The following PCDHA9 variants were observed in gnomAD, a reference collection of about 807,000 sequenced individuals.
The protein encoded by PCDHA9 is protocadherin alpha 9, also known as protocadherin alpha-9.
PCDHA9 carries 62 observed loss-of-function variants against 62.0 expected under a neutral mutation model. The ratio of observed to expected loss-of-function variants is 1.00; its 90% CI spans 0.81 to 1.23. The LOEUF (loss-of-function observed/expected upper bound fraction) is 1.23. PCDHA9 is among the 50% of genes most tolerant of loss of function. The probability of loss-of-function intolerance (pLI) is 0.00; values close to 1 mark genes in which losing one functional copy is unlikely to be tolerated. For synonymous variants in PCDHA9, 557 were observed against 567.6 expected, an observed-to-expected ratio of 0.98 and a Z score of 0.27; for missense variants, 1,205 against 1,249.8, an observed-to-expected ratio of 0.96 and a Z score of 0.54.
intron 1 of PCDHA9, chr5:140,884,171 C>T (rs781800470): frequency 6.2e-7 from 1 of 1,613,414 alleles, no homozygotes; most frequent in Admixed American, 1.7e-5. Context: ...CAGCACGACG[C>T]GCCCTCTGGA....
At chr5:140,903,608 C>G (rs2070424862) in intron 1 of PCDHA9, among the ~76,000 whole-genome samples, 1 of 152,124 alleles carries the variant, frequency 6.6e-6, no homozygotes, top group African/African-American at 2.4e-5. Flanking sequence ...GCTTAATACA[C>G]ATGAATGTGC....
chr5:140,876,648 T>A, intron 1 of PCDHA9: 4 of 1,614,208 alleles, frequency 2.5e-6, no homozygotes, highest in Non-Finnish European at 3.4e-6. Flanking sequence ...TGACACCTCA[T>A]GTTCCCTTCA....
rs184181496 is a variant in PCDHA9 at position 140,857,350 on chromosome 5, G to A, written c.2394+6461G>A. ...CGCGGGACGGGGGCTCGCCTCCGCTGTGGGCCACGGCCAGCGTGTCTGTGG... is the reference window on the plus strand; with the variant it reads ...CGCGGGACGGGGGCTCGCCTCCGCTATGGGCCACGGCCAGCGTGTCTGTGG... On this transcript the variant is annotated intron_variant, in intron 1 of 3. Coordinates refer to ENST00000532602, the MANE Select transcript of PCDHA9 (RefSeq NM_031857.2). 5 of 1,598,502 alleles carry A rather than the reference G, an allele frequency of 3.1e-6. 1 individual carries two copies. In the Admixed American group the frequency reaches 6.7e-5, roughly 22 times the overall value.
intron 1 of PCDHA9, chr5:140,882,140 T>C (rs1010543120): frequency 7.4e-6 from 11 of 1,490,760 alleles, no homozygotes; most frequent in Admixed American, 4.6e-5. Flanking sequence ...GCAGAAAATA[T>C]AGCAGAAAGC....
At chr5:140,946,857 G>T (rs2094041766) in intron 1 of PCDHA9, among the ~76,000 whole-genome samples, 1 of 151,296 alleles carries the variant, frequency 6.6e-6, no homozygotes, top group Non-Finnish European at 1.5e-5. Flanking sequence ...GAGAGATTGA[G>T]GAGAGGTTGG....
At chr5:140,914,997 G>A (rs548148626) in intron 1 of PCDHA9, among the ~76,000 whole-genome samples, 43 of 148,264 alleles carry the variant, frequency 2.9e-4, no homozygotes, top group African/African-American at 1.0e-3. Flanking sequence ...CCAGGCTGGA[G>A]TGCAGTGGCC....
At chr5:140,869,770 A>G in intron 1 of PCDHA9, 1 of 1,613,216 alleles carries the variant, frequency 6.2e-7, no homozygotes, top group South Asian at 1.1e-5. Flanking sequence ...ACCAGAGCTT[A>G]CTGGCACCGT....
chr5:140,879,685 A>G (rs2058084553), intron 1 of PCDHA9, among the ~76,000 whole-genome samples: 1 of 152,266 alleles, frequency 6.6e-6, no homozygotes, highest in East Asian at 1.9e-4. Flanking sequence ...GCTGTAAAAC[A>G]GCAAAAGTTT....
chr5:140,889,029 G>A (rs540289378), intron 1 of PCDHA9, among the ~76,000 whole-genome samples: 8 of 151,946 alleles, frequency 5.3e-5, no homozygotes, highest in African/African-American at 1.2e-4. Flanking sequence ...TTGGATAACC[G>A]TAATTTGATT....
intron 1 of PCDHA9, among the ~76,000 whole-genome samples, chr5:140,878,873 T>A (rs1267188729): frequency 1.3e-5 from 2 of 152,248 alleles, no homozygotes; most frequent in African/African-American, 2.4e-5. Flanking sequence ...CATTTCAGCC[T>A]TTCAAGTAGC....
At chr5:140,851,204 A>T in intron 1 of PCDHA9, 2 of 1,181,712 alleles carry the variant, frequency 1.7e-6, no homozygotes, top group Non-Finnish European at 2.2e-6. Context: ...TTAGTCATTC[A>T]TTAAACATTA....
At chr5:140,857,095 G>T (rs1253933979) in intron 1 of PCDHA9, 2 of 1,597,378 alleles carry the variant, frequency 1.3e-6, no homozygotes, top group Admixed American at 1.7e-5. Context: ...CACCTGAGGT[G>T]ATTGTCACTT....
intron 3 of PCDHA9, among the ~76,000 whole-genome samples, chr5:141,000,385 C>CAA (rs1399640915): frequency 2.3e-4 from 15 of 64,992 alleles, no homozygotes; most frequent in African/African-American, 9.7e-4. Context: ...CTCTCTCTCT[C>CAA]TCTCTCTCTC....
intron 1 of PCDHA9, chr5:140,870,883 C>G: frequency 6.2e-7 from 1 of 1,613,920 alleles, no homozygotes; most frequent in South Asian, 1.1e-5. Flanking sequence ...GGCGAAGGTG[C>G]GCGCAGTGGA....
chr5:141,006,448 C>T lies in PCDHA9; in HGVS notation c.2543-3179C>T, dbSNP rs968765348. ...CAGGATGGTCTCAATCTCCTGACCT[C>T]GAGATCTGCCTGTCTCGGCCTCCCA... On this transcript the variant is annotated intron_variant, in intron 3 of 3. Coordinates refer to ENST00000532602, the MANE Select transcript of PCDHA9 (RefSeq NM_031857.2). Among the ~76,000 whole-genome samples, 4 of 152,122 alleles carry T rather than the reference C, an allele frequency of 2.6e-5. No homozygotes were observed. In the East Asian group the frequency reaches 7.7e-4, roughly 29 times the overall value.
At chr5:140,876,999 G>T (rs368334312) in intron 1 of PCDHA9, 2 of 1,612,546 alleles carry the variant, frequency 1.2e-6, no homozygotes, top group Non-Finnish European at 1.7e-6. Flanking sequence ...GCTACGTGTC[G>T]GTGCACGCGG....
chr5:140,871,156 G>C (rs200268029), intron 1 of PCDHA9: 2 of 1,613,446 alleles, frequency 1.2e-6, no homozygotes, highest in Non-Finnish European at 8.5e-7. Context: ...TTTGGCGGGC[G>C]CCGCGAGCCC....
At position 140,857,387 on chromosome 5, in the gene PCDHA9, G is replaced by C. The variant is rs369919324; in HGVS notation, c.2394+6498G>C. 21 of 1,598,586 alleles carry C rather than the reference G, an allele frequency of 1.3e-5. 1 individual carries two copies. The Admixed American group carries it at 3.5e-4, about 27-fold the overall frequency. On this transcript the variant is annotated intron_variant, in intron 1 of 3. Coordinates refer to ENST00000532602, the MANE Select transcript of PCDHA9 (RefSeq NM_031857.2). The stretch of plus-strand genomic sequence containing the variant: ...CAGCGTGTCTGTGGAGGTGGCCGAC[G>C]TGAACGACAACGCGCCTGCGTTCGC...
At chr5:140,994,720 A>C (rs2097647295) in intron 3 of PCDHA9, among the ~76,000 whole-genome samples, 1 of 152,160 alleles carries the variant, frequency 6.6e-6, no homozygotes. Flanking sequence ...AAAATTTAAA[A>C]TACTGGGTAT....
Sources: gnomAD v4.1 joint callset for allele counts (sites outside exome capture counted in the v4.1 genomes callset) on GRCh38, gnomAD v4.1.1 for gene constraint, MANE v1.5 for transcripts, NCBI Gene and HGNC (gene_info 2026-07-23, HGNC 2026-07-21) for gene names.